COL8A1: variants seen among roughly 807,000 people sequenced by gnomAD.
COL8A1 encodes collagen alpha-1(VIII) chain.
Under a neutral mutation model 42.7 loss-of-function variants are expected in COL8A1, and 21 were observed. The ratio of observed to expected loss-of-function variants is 0.49; its 90% confidence interval spans 0.35 to 0.71. COL8A1 has a LOEUF of 0.71. Ranked by LOEUF, COL8A1 falls within the 30% of genes least tolerant of loss-of-function variation. COL8A1 has a pLI of 0.01. For missense variants in COL8A1, 788 were observed against 962.4 expected (o/e 0.82, Z 2.40); for synonymous variants, 367 against 369.1 (o/e 0.99, Z 0.06).
At chr3:99,661,845 G>T (rs913561618) in intron 1 of COL8A1, among the ~76,000 whole-genome samples, 3 of 152,202 alleles carry the variant, frequency 2.0e-5, no homozygotes, top group Non-Finnish European at 4.4e-5. Context: ...ATTATGCAAA[G>T]TGAAATAGGC....
intron 1 of COL8A1, among the ~76,000 whole-genome samples, chr3:99,716,841 G>T (rs1230332573): frequency 6.6e-6 from 1 of 151,952 alleles, no homozygotes; most frequent in Non-Finnish European, 1.5e-5. Context: ...TAGTCATAAG[G>T]TTGTTCAGTC....
intron 1 of COL8A1, among the ~76,000 whole-genome samples, chr3:99,706,285 C>T (rs1273317472): frequency 1.3e-5 from 2 of 152,108 alleles, no homozygotes; most frequent in African/African-American, 4.8e-5. Context: ...TGGTTCAGGT[C>T]TTCTATTTTC....
intron 1 of COL8A1, among the ~76,000 whole-genome samples, chr3:99,648,268 T>C (rs1361437323): frequency 1.3e-5 from 2 of 152,128 alleles, no homozygotes; most frequent in African/African-American, 2.4e-5. Context: ...CCAAAGTCCA[T>C]GGTCTTCCTG....
At chr3:99,709,683 G>C (rs1353016196) in intron 1 of COL8A1, among the ~76,000 whole-genome samples, 1 of 152,126 alleles carries the variant, frequency 6.6e-6, no homozygotes, top group Non-Finnish European at 1.5e-5. Context: ...TCTCCATATT[G>C]AATCTGACTC....
At chr3:99,746,302 G>C (rs1042352055) in intron 2 of COL8A1, among the ~76,000 whole-genome samples, 2 of 151,994 alleles carry the variant, frequency 1.3e-5, no homozygotes, top group African/African-American at 4.8e-5. Context: ...CAAACCCAGG[G>C]AATAAAAAAA....
At chr3:99,678,322 C>T (rs1050416886) in intron 1 of COL8A1, 4 of 152,048 alleles carry the variant, frequency 2.6e-5, no homozygotes, top group Admixed American at 1.3e-4. Context: ...GTTTGTTTCT[C>T]AACCACTGCT....
rs532568942 is a variant in COL8A1 at position 99,774,025 on chromosome 3, A to T, written c.-3-16655A>T. On this transcript the variant is annotated intron_variant, in intron 2 of 3. Transcript: ENST00000652472. ...ACGCCCAGCTAATTTTTGTATTTTT[A>T]GTAGAGATGGGGGTTTGCCATGTTG... is the stretch of plus-strand genomic sequence containing the variant. Among the ~76,000 whole-genome samples, 103 of 149,070 alleles carry T rather than the reference A, an allele frequency of 6.9e-4. No individual in the cohort carries two copies. In the South Asian group the frequency reaches 0.022, roughly 32 times the overall value.
chr3:99,730,952 C>T (rs139814000), intron 1 of COL8A1, among the ~76,000 whole-genome samples: 146 of 152,096 alleles, frequency 9.6e-4, no homozygotes, highest in Non-Finnish European at 1.8e-3. Context: ...CATGTCATGA[C>T]GTTTCTTTTG....
At chr3:99,721,503 T>G (rs1940155393) in intron 1 of COL8A1, among the ~76,000 whole-genome samples, 1 of 150,598 alleles carries the variant, frequency 6.6e-6, no homozygotes. Flanking sequence ...TGGTCAGGGC[T>G]GAGAGAGAGA....
intron 1 of COL8A1, among the ~76,000 whole-genome samples, chr3:99,722,770 A>G (rs1940192520): frequency 6.6e-6 from 1 of 152,128 alleles, no homozygotes; most frequent in South Asian, 2.1e-4. Context: ...GGAAGTGACC[A>G]TCACTATCTT....
chr3:99,790,712 G>T lies in COL8A1; in HGVS notation c.30G>T (p.Leu10=), dbSNP rs1374863326. 11 of 1,614,140 alleles carry T rather than the reference G, an allele frequency of 6.8e-6. No individual in the cohort carries two copies. Among genetic ancestry groups the T allele is most frequent in the Non-Finnish European group, 9.3e-6 (11 of 1,180,026 alleles). ...CTGTGCTGCCTGGCCCTCTGCAGCT[G>T]CTGGGAGTGCTGCTTACCATTTCCC... The part of the protein sequence containing the change: MAVLPGPLQ[L]LGVLLTISLS... The change falls in exon 3 of 4, where the codon CTG becomes CTT. Residue 10 remains leucine (L), a synonymous_variant. Transcript: ENST00000652472.
chr3:99,653,892 A>C (rs1311006753), intron 1 of COL8A1, among the ~76,000 whole-genome samples: 3 of 152,092 alleles, frequency 2.0e-5, no homozygotes, highest in African/African-American at 7.2e-5. Context: ...TATTTATGAA[A>C]GGGAGTTTAT....
At chr3:99,789,777 G>A (rs1483242608) in intron 2 of COL8A1, among the ~76,000 whole-genome samples, 1 of 152,084 alleles carries the variant, frequency 6.6e-6, no homozygotes, top group East Asian at 1.9e-4. Context: ...TACAACTCTT[G>A]CTTTGTAAAC....
At chr3:99,775,061 G>T (rs923179973) in intron 2 of COL8A1, among the ~76,000 whole-genome samples, 19 of 152,160 alleles carry the variant, frequency 1.2e-4, no homozygotes, top group African/African-American at 4.6e-4. Flanking sequence ...CATACACAAC[G>T]ATCCAGCAGG....
intron 2 of COL8A1, among the ~76,000 whole-genome samples, chr3:99,783,310 T>G (rs775524195): frequency 6.6e-6 from 1 of 152,200 alleles, no homozygotes; most frequent in African/African-American, 2.4e-5. Flanking sequence ...TCAAGTTTCG[T>G]TGGTCCCATG....
At chr3:99,720,530 C>T (rs577109664) in intron 1 of COL8A1, among the ~76,000 whole-genome samples, 4 of 152,024 alleles carry the variant, frequency 2.6e-5, no homozygotes, top group South Asian at 2.1e-4. Context: ...GAATTCAAGG[C>T]GATAACATTA....
intron 2 of COL8A1, among the ~76,000 whole-genome samples, chr3:99,763,470 G>C (rs704572): frequency 0.48 from 72,549 of 151,814 alleles, 17,766 homozygotes; most frequent in East Asian, 0.67. Flanking sequence ...AATAATAACA[G>C]TTAATACCTA....
At chr3:99,650,263 C>G (rs1937800223) in intron 1 of COL8A1, among the ~76,000 whole-genome samples, 1 of 152,120 alleles carries the variant, frequency 6.6e-6, no homozygotes, top group Non-Finnish European at 1.5e-5. Flanking sequence ...CTATTCTCAA[C>G]TAACAAGCAG....
chr3:99,692,767 T>A (rs758925377), intron 1 of COL8A1, among the ~76,000 whole-genome samples: 2 of 152,252 alleles, frequency 1.3e-5, no homozygotes, highest in Non-Finnish European at 2.9e-5. Flanking sequence ...TGTAGCCTAG[T>A]CAAGTTGTAG....
Sources: allele counts gnomAD v4.1 joint callset (sites outside exome capture counted in the v4.1 genomes callset), GRCh38; gene constraint gnomAD v4.1.1; transcripts MANE v1.5; gene names NCBI Gene and HGNC (gene_info 2026-07-23, HGNC 2026-07-21).